Variants in ADD1 observed in about 807,000 individuals in gnomAD.
The protein encoded by ADD1 is adducin 1, also known as alpha-adducin.
In ADD1, 24 loss-of-function variants were observed where a neutral mutation model predicts 80.5. The observed-to-expected ratio is 0.30, with a 90% confidence interval of 0.22 to 0.42. ADD1 has a LOEUF of 0.42. Among genes scored for constraint, ADD1 ranks in the 10% least tolerant of loss-of-function variants. The pLI is 1.00. For synonymous variants in ADD1, 373 were observed against 393.8 expected, an observed-to-expected ratio of 0.95 and a Z score of 0.63; for missense variants, 948 against 1,019.0, an observed-to-expected ratio of 0.93 and a Z score of 0.95.
chr4:2,846,053 C>T (rs1726153013), intron 1 of ADD1, among the ~76,000 whole-genome samples: 6 of 152,038 alleles, frequency 3.9e-5, no homozygotes, highest in Admixed American at 3.9e-4. Flanking sequence ...ATCTTAAAGA[C>T]TTAAACAAAA....
intron 1 of ADD1, chr4:2,868,125 A>C (rs1324743497): frequency 6.6e-6 from 1 of 152,264 alleles, no homozygotes; most frequent in Non-Finnish European, 1.5e-5. Flanking sequence ...AACCTTCAAC[A>C]TAAGGTGGGT....
intron 4 of ADD1, among the ~76,000 whole-genome samples, chr4:2,890,773 T>C (rs1734180955): frequency 6.6e-6 from 1 of 152,212 alleles, no homozygotes; most frequent in South Asian, 2.1e-4. Flanking sequence ...TTATTATACT[T>C]ACATTGTCTT....
In ADD1 at chr4:2,915,021, G is replaced by A. The variant is rs199783611; in HGVS notation, c.1929G>A (p.Arg643=). ...AGGAGTACCGCAGGGAGGTGGAGAG[G>A]AAGCAGAAGGGCTCTGAAGGTGAGT... ...ELEEYRREVE[R]KQKGSEENLD... is the part of the protein sequence containing the mutation. The change falls in exon 14 of 16, where the codon AGG becomes AGA. Residue 643 remains arginine (R), a synonymous_variant. Transcript: ENST00000683351. The A allele has an allele frequency of 7.7e-5, 125 of 1,613,336 alleles. No individual in the cohort carries two copies. Among genetic ancestry groups the A allele is most frequent in the Non-Finnish European group, 8.4e-5 (99 of 1,179,670 alleles).
At chr4:2,848,651 G>A (rs949791257) in intron 1 of ADD1, among the ~76,000 whole-genome samples, 1 of 139,738 alleles carries the variant, frequency 7.2e-6, no homozygotes, top group African/African-American at 2.6e-5. Context: ...TTTTTTTTTT[G>A]AGATAAGGTT....
intron 4 of ADD1, among the ~76,000 whole-genome samples, chr4:2,890,171 G>T (rs1734062920): frequency 6.6e-6 from 1 of 150,544 alleles, no homozygotes; most frequent in Admixed American, 6.6e-5. Flanking sequence ...TCCAGCCTGG[G>T]CGACAGAGTG....
At chr4:2,913,010 A>C (rs985880483) in intron 13 of ADD1, among the ~76,000 whole-genome samples, 3 of 151,726 alleles carry the variant, frequency 2.0e-5, no homozygotes, top group African/African-American at 7.3e-5. Flanking sequence ...ACGCCTGGTT[A>C]ATTTTTTTTG....
intron 2 of ADD1, among the ~76,000 whole-genome samples, chr4:2,877,882 G>A (rs1731614833): frequency 6.6e-6 from 1 of 152,182 alleles, no homozygotes; most frequent in Non-Finnish European, 1.5e-5. Context: ...AGGCTGAGGT[G>A]GGAGGATCAC....
chr4:2,878,666 T>C (rs1273353471), intron 2 of ADD1, among the ~76,000 whole-genome samples: 1 of 152,142 alleles, frequency 6.6e-6, no homozygotes, highest in Non-Finnish European at 1.5e-5. Context: ...GGCTCATACC[T>C]GTAGTCCCAG....
At position 2,909,390 on chromosome 4, in the gene ADD1, G is replaced by T. The variant is rs556313785; in HGVS notation, c.1750G>T (p.Glu584Ter). 1 of 1,550,418 alleles carries T rather than the reference G, an allele frequency of 6.4e-7. No individual in the cohort carries two copies. Among genetic ancestry groups the T allele is most frequent in the Non-Finnish European group, 8.7e-7 (1 of 1,146,956 alleles). ...AACTATCGAAGGGCTCGAGCTTACAGAGCAGACCTTTAGTCCCGCTAAATC... is the reference window on the plus strand; with the variant it reads ...AACTATCGAAGGGCTCGAGCTTACATAGCAGACCTTTAGTCCCGCTAAATC... Reference protein sequence around the residue: ...TETIEGLELTEQTFSPAKSLS... With the variant: ...TETIEGLELT Residue 584 changes from glutamate to a stop codon, truncating the protein, a stop_gained, in exon 13 of 16, where the codon GAG (glutamate) becomes TAG (stop). Coordinates refer to ENST00000683351, the MANE Select transcript of ADD1 (RefSeq NM_001354761.2). LOFTEE classifies it high-confidence loss of function.
At chr4:2,861,379 G>T (rs1305406919) in intron 1 of ADD1, among the ~76,000 whole-genome samples, 1 of 152,130 alleles carries the variant, frequency 6.6e-6, no homozygotes, top group Non-Finnish European at 1.5e-5. Flanking sequence ...AAATTAAGTA[G>T]GGTGCGACAT....
chr4:2,889,491 T>G (rs756303233), intron 4 of ADD1, among the ~76,000 whole-genome samples: 1 of 152,166 alleles, frequency 6.6e-6, no homozygotes, highest in Non-Finnish European at 1.5e-5. Context: ...TGGATAAATT[T>G]GTCTACATTT....
chr4:2,866,259 C>T (rs562485494), intron 1 of ADD1, among the ~76,000 whole-genome samples: 2 of 152,212 alleles, frequency 1.3e-5, no homozygotes, highest in African/African-American at 2.4e-5. Flanking sequence ...CTTCGCCTTC[C>T]GGGTTCAAGC....
At chr4:2,903,546 C>T (rs1438745811) in intron 9 of ADD1, among the ~76,000 whole-genome samples, 1 of 152,176 alleles carries the variant, frequency 6.6e-6, no homozygotes, top group African/African-American at 2.4e-5. Flanking sequence ...GACAGAATTC[C>T]TTTTCTTAGG....
chr4:2,872,108 C>G (rs2032470), intron 1 of ADD1, among the ~76,000 whole-genome samples: 36,951 of 152,034 alleles, frequency 0.24, 4,889 homozygotes, highest in Non-Finnish European at 0.28. Flanking sequence ...TGAGTGATGA[C>G]AACTTGGATT....
rs1452741148 is a variant in ADD1, at chr4:2,926,992, TG to T, written c.2047+881del. Among the ~76,000 whole-genome samples, 1 of 152,226 alleles carries T rather than the reference TG, an allele frequency of 6.6e-6. No homozygotes were observed. The highest frequency in any genetic ancestry group is 2.4e-5 in the African/African-American group (1 of 41,456). ...GAGGGTTTTGCCACACTGGATCAGA[TG>T]TAAGTGCAGCCTCGGTTCAGACAGG... On this transcript the variant is annotated intron_variant, in intron 15 of 15. Transcript: ENST00000683351. The surrounding 1 kb of genome is among the most constrained non-coding windows in gnomAD (Gnocchi z 5.0).
At chr4:2,890,257 G>C (rs1734089398) in intron 4 of ADD1, among the ~76,000 whole-genome samples, 2 of 151,640 alleles carry the variant, frequency 1.3e-5, no homozygotes, top group Admixed American at 6.6e-5. Flanking sequence ...AGACAAACCA[G>C]TATAAAATGG....
At chr4:2,918,673 T>G (rs138540599) in intron 14 of ADD1, among the ~76,000 whole-genome samples, 2,372 of 152,274 alleles carry the variant, frequency 0.016, 30 homozygotes, top group Non-Finnish European at 0.025. Flanking sequence ...CTCTTATTAT[T>G]TTGAGATACA....
chr4:2,866,104 G>A (rs918160398), intron 1 of ADD1, among the ~76,000 whole-genome samples: 3 of 152,174 alleles, frequency 2.0e-5, no homozygotes, highest in African/African-American at 4.8e-5. Flanking sequence ...TTTCTTCTTG[G>A]AAGAACTTGT....
intron 1 of ADD1, among the ~76,000 whole-genome samples, chr4:2,866,506 T>G (rs62875860): frequency 5.2e-4 from 75 of 143,754 alleles, no homozygotes; most frequent in East Asian, 8.1e-4. Context: ...TTTTTTTTTT[T>G]GGGATGAAAA....
Sources: gnomAD v4.1 joint callset for allele counts (sites outside exome capture counted in the v4.1 genomes callset) on GRCh38, gnomAD v4.1.1 for gene constraint, Gnocchi (gnomAD v3.1) non-coding constraint, MANE v1.5 for transcripts, NCBI Gene and HGNC (gene_info 2026-07-23, HGNC 2026-07-21) for gene names.